IRGM: variants seen among roughly 807,000 people sequenced by gnomAD.
IRGM encodes immunity-related GTPase family M protein.
For missense variants in IRGM, 288 were observed against 219.9 expected (o/e 1.31, Z -1.96); for synonymous variants, 98 against 80.6 (o/e 1.22, Z -1.16).
chr5:150,869,772 C>G (rs182178409), intron 1 of IRGM, among the ~76,000 whole-genome samples: 3 of 152,180 alleles, frequency 2.0e-5, no homozygotes, highest in East Asian at 1.9e-4. Context: ...ACTTATCAAG[C>G]TTTTTCACCT....
intron 3 of IRGM, among the ~76,000 whole-genome samples, chr5:150,891,792 G>A (rs1360141010): frequency 1.3e-5 from 2 of 152,022 alleles, no homozygotes; most frequent in African/African-American, 4.8e-5. Context: ...CCATGAACAC[G>A]CTGAGATTTT....
At position 150,847,779 on chromosome 5, in the gene IRGM, A is replaced by C. The variant is rs1224615101; in HGVS notation, c.-345A>C. 1 of 253,426 alleles carries C rather than the reference A, an allele frequency of 3.9e-6. No individual in the cohort carries two copies. Among genetic ancestry groups the C allele is most frequent in the Non-Finnish European group, 7.7e-6 (1 of 130,320 alleles). 15.7% of individuals were successfully genotyped at this position (253,426 alleles called of 1,614,324 possible). A position where few individuals can be genotyped will look rare whatever the true frequency, so the allele number is the denominator to read the frequency against. On this transcript the variant is annotated 5_prime_UTR_variant, in exon 2 of 2. Transcript: ENST00000522154. ...TCACACTCTATTAGCTGCATCCTTAACCTCTTTTTGCCACACCATAAGCAT... is the reference window on the plus strand; with the variant it reads ...TCACACTCTATTAGCTGCATCCTTACCCTCTTTTTGCCACACCATAAGCAT...
At chr5:150,890,318 T>G (rs928919093) in intron 3 of IRGM, among the ~76,000 whole-genome samples, 2 of 151,992 alleles carry the variant, frequency 1.3e-5, no homozygotes, top group African/African-American at 2.4e-5. Flanking sequence ...TTCATAATCT[T>G]CCCTTATTAT....
rs187960825 is a variant in IRGM, at chr5:150,891,885, G to T, written c.*141-8704G>T. ...TTCTCAACAACAAAATCCAGGGCCAGGATCTTTTAATTTTTTGGCAAACTA... is the reference window on the plus strand; with the variant it reads ...TTCTCAACAACAAAATCCAGGGCCATGATCTTTTAATTTTTTGGCAAACTA... On this transcript the variant is annotated intron_variant and NMD_transcript_variant, in intron 3 of 3. Coordinates refer to the IRGM transcript ENST00000520549. Among the ~76,000 whole-genome samples, 16 of 152,198 alleles carry T rather than the reference G, an allele frequency of 1.1e-4. No homozygotes were observed. The East Asian group carries it at 2.9e-3, about 28-fold the overall frequency.
In IRGM at chr5:150,884,267, G is replaced by A. The variant is rs140946729; in HGVS notation, c.*140+4621G>A. Among the ~76,000 whole-genome samples the A allele has an allele frequency of 2.8e-3, 430 of 151,624 alleles. 2 individuals carry two copies. Among genetic ancestry groups the A allele is most frequent in the African/African-American group, 9.8e-3 (404 of 41,404 alleles). The stretch of plus-strand genomic sequence containing the variant: ...ACTTATATTTATACTTTTCTATGGC[G>A]GCATAGTATTCCATGGTGTATATGT... On this transcript the variant is annotated intron_variant and NMD_transcript_variant, in intron 3 of 3. Coordinates refer to the IRGM transcript ENST00000520549.
rs141526871 is a variant in IRGM, at chr5:150,881,652, AAAT to A, written c.*140+2014_*140+2016del. Among the ~76,000 whole-genome samples the A allele has an allele frequency of 3.6e-3, 541 of 152,306 alleles. 6 individuals are homozygous for A. The highest frequency in any genetic ancestry group is 0.012 in the African/African-American group (509 of 41,568). On this transcript the variant is annotated intron_variant and NMD_transcript_variant, in intron 3 of 3. Coordinates refer to the IRGM transcript ENST00000520549. ...AAAAGTTAAAAGATAAAATTATTAA[AAAT>A]AATAATAGCAATATCATCACTGCAA...
chr5:150,863,615 A>C (rs1754166576), intron 1 of IRGM, among the ~76,000 whole-genome samples: 1 of 152,216 alleles, frequency 6.6e-6, no homozygotes, highest in Non-Finnish European at 1.5e-5. Flanking sequence ...TTCATAATAC[A>C]TAAATGCATC....
At chr5:150,898,535 T>G in intron 3 of IRGM, 1 of 1,612,044 alleles carries the variant, frequency 6.2e-7, no homozygotes, top group Non-Finnish European at 8.5e-7. Flanking sequence ...CACAGCCACA[T>G]CCTTGAATGA....
At chr5:150,866,558 G>A (rs1394615977) in intron 1 of IRGM, among the ~76,000 whole-genome samples, 1 of 152,110 alleles carries the variant, frequency 6.6e-6, no homozygotes, top group East Asian at 1.9e-4. Context: ...GTTACATAAA[G>A]AAACTTCTGA....
chr5:150,862,327 A>G (rs1298576853), intron 1 of IRGM, among the ~76,000 whole-genome samples: 8 of 152,218 alleles, frequency 5.3e-5, no homozygotes, highest in Non-Finnish European at 1.5e-5. Flanking sequence ...CACCTTTGCT[A>G]TAGTCTGTTG....
chr5:150,867,851 T>C (rs1341001566), intron 1 of IRGM, among the ~76,000 whole-genome samples: 2 of 151,984 alleles, frequency 1.3e-5, no homozygotes, highest in Non-Finnish European at 2.9e-5. Context: ...TTCTTGCTGA[T>C]TTCTTTTAGT....
At chr5:150,865,062 T>C (rs904077159) in intron 1 of IRGM, among the ~76,000 whole-genome samples, 1 of 152,194 alleles carries the variant, frequency 6.6e-6, no homozygotes, top group Non-Finnish European at 1.5e-5. Context: ...ATGCATACCA[T>C]CTACCACATA....
chr5:150,872,814 G>T (rs935114520), intron 1 of IRGM, among the ~76,000 whole-genome samples: 1 of 152,164 alleles, frequency 6.6e-6, no homozygotes, highest in Non-Finnish European at 1.5e-5. Flanking sequence ...GGATCAAAAG[G>T]CTTAGGAAGA....
At chr5:150,852,302 T>A (rs1753987996), downstream of IRGM, among the ~76,000 whole-genome samples, 4 of 152,224 alleles carry the variant, frequency 2.6e-5, no homozygotes, top group Admixed American at 2.6e-4. Flanking sequence ...TCTTATGTTT[T>A]AAAAACCTTA....
intron 3 of IRGM, among the ~76,000 whole-genome samples, chr5:150,887,685 G>A (rs1409680731): frequency 6.7e-6 from 1 of 148,394 alleles, no homozygotes; most frequent in African/African-American, 2.5e-5. Context: ...GACTGTTAAA[G>A]GCAGCTAGAG....
chr5:150,889,420 C>T (rs1754574033), intron 3 of IRGM, among the ~76,000 whole-genome samples: 1 of 152,040 alleles, frequency 6.6e-6, no homozygotes, highest in Non-Finnish European at 1.5e-5. Context: ...ATGACCTGCT[C>T]CCATAATTCA....
intron 3 of IRGM, among the ~76,000 whole-genome samples, chr5:150,893,890 T>G (rs1289026407): frequency 1.3e-5 from 2 of 152,110 alleles, no homozygotes; most frequent in Non-Finnish European, 2.9e-5. Flanking sequence ...GATTTCTCTT[T>G]TCCCACCCCA....
At chr5:150,853,982 CT>C (rs925200863) in intron 1 of IRGM, among the ~76,000 whole-genome samples, 30 of 151,988 alleles carry the variant, frequency 2.0e-4, no homozygotes, top group Admixed American at 6.6e-4. Context: ...TGTCTTATAG[CT>C]TTTTTTCTCT....
At chr5:150,881,331 A>G (rs1754441938) in intron 3 of IRGM, among the ~76,000 whole-genome samples, 1 of 152,142 alleles carries the variant, frequency 6.6e-6, no homozygotes, top group African/African-American at 2.4e-5. Context: ...TGATATATTT[A>G]AAGTGCTGAA....
Sources: allele counts gnomAD v4.1 joint callset (sites outside exome capture counted in the v4.1 genomes callset), GRCh38; gene constraint gnomAD v4.1.1; transcripts MANE v1.5; gene names NCBI Gene and HGNC (gene_info 2026-07-23, HGNC 2026-07-21).